ZMYND8: variants seen among roughly 807,000 people sequenced by gnomAD.
ZMYND8 encodes the protein zinc finger MYND-type containing 8.
A neutral mutation model predicts 140.8 loss-of-function variants in ZMYND8; 37 were observed. The observed-to-expected ratio is 0.26, with a 90% CI of 0.20 to 0.35. The LOEUF (loss-of-function observed/expected upper bound fraction) is 0.35. Ranked by LOEUF, ZMYND8 falls within the 10% of genes least tolerant of loss-of-function variation. The probability of loss-of-function intolerance (pLI) is 1.00; values close to 1 mark genes in which losing one functional copy is unlikely to be tolerated. For synonymous variants in ZMYND8, 592 were observed against 597.1 expected, an observed-to-expected ratio of 0.99 and a Z score of 0.12; for missense variants, 1,068 against 1,570.0, an observed-to-expected ratio of 0.68 and a Z score of 5.40.
chr20:47,263,168 G>A (rs1016791609), intron 11 of ZMYND8, among the ~76,000 whole-genome samples: 1 of 152,154 alleles, frequency 6.6e-6, no homozygotes, highest in Non-Finnish European at 1.5e-5. Flanking sequence ...GCCAACAAGC[G>A]TCCTAAAGAT....
chr20:47,214,447 G>C (rs1600847994), intron 21 of ZMYND8, among the ~76,000 whole-genome samples: 1 of 152,170 alleles, frequency 6.6e-6, no homozygotes, highest in Admixed American at 6.5e-5. Flanking sequence ...CGCTCTCACT[G>C]TGCTGATGTG....
chr20:47,314,541 C>T (rs1438812851), intron 2 of ZMYND8, among the ~76,000 whole-genome samples: 1 of 152,168 alleles, frequency 6.6e-6, no homozygotes, highest in Non-Finnish European at 1.5e-5. Flanking sequence ...TATCAGGCCC[C>T]ACCCCAGATC....
At chr20:47,334,468 G>A (rs1046032740) in intron 2 of ZMYND8, among the ~76,000 whole-genome samples, 6 of 152,014 alleles carry the variant, frequency 3.9e-5, no homozygotes, top group African/African-American at 1.2e-4. Context: ...GGCACAGAAA[G>A]TAGACTGGTA....
chr20:47,300,244 T>A (rs2077924689), intron 3 of ZMYND8, among the ~76,000 whole-genome samples: 3 of 152,216 alleles, frequency 2.0e-5, no homozygotes, highest in African/African-American at 7.2e-5. Flanking sequence ...ACCTGGTAAC[T>A]AGCTATGTGA....
intron 11 of ZMYND8, among the ~76,000 whole-genome samples, chr20:47,272,550 C>CTATT (rs2076022345): frequency 6.6e-6 from 1 of 152,082 alleles, no homozygotes; most frequent in Admixed American, 6.6e-5. Flanking sequence ...GCCAGGAGGT[C>CTATT]TATATAAAGG....
intron 3 of ZMYND8, among the ~76,000 whole-genome samples, chr20:47,301,889 T>C (rs892206928): frequency 3.9e-5 from 6 of 152,330 alleles, no homozygotes; most frequent in Admixed American, 1.3e-4. Flanking sequence ...AATTGAATCA[T>C]GGAAGTAGTT....
At chr20:47,309,835 C>A (rs2078785327) in intron 3 of ZMYND8, among the ~76,000 whole-genome samples, 1 of 152,056 alleles carries the variant, frequency 6.6e-6, no homozygotes, top group Admixed American at 6.6e-5. Flanking sequence ...CTCATCTCAT[C>A]TGGGTCCCTG....
intron 3 of ZMYND8, among the ~76,000 whole-genome samples, chr20:47,308,873 G>A (rs561083469): frequency 5.3e-5 from 8 of 152,240 alleles, no homozygotes; most frequent in South Asian, 2.1e-4. Flanking sequence ...CAACAATCTC[G>A]TTTAATTCAA....
At chr20:47,221,635 G>A (rs570498337) in intron 19 of ZMYND8, among the ~76,000 whole-genome samples, 161 bp from the exon 20 acceptor site, 95 of 152,336 alleles carry the variant, frequency 6.2e-4, no homozygotes, top group Non-Finnish European at 1.2e-3. Flanking sequence ...GAGTTTTCCA[G>A]AAGCTGGAAT....
intron 11 of ZMYND8, among the ~76,000 whole-genome samples, chr20:47,273,520 T>C (rs913379432): frequency 3.9e-5 from 6 of 152,216 alleles, no homozygotes; most frequent in African/African-American, 1.4e-4. Context: ...CGCTCTAGCC[T>C]GGGCAACAGA....
At chr20:47,356,360 A>C (rs1464662376) in intron 1 of ZMYND8, 6 of 1,493,812 alleles carry the variant, frequency 4.0e-6, no homozygotes, top group Non-Finnish European at 5.3e-6. Context: ...GGAAAAAAAA[A>C]AGCTTCTTTT....
chr20:47,332,121 A>AC (rs1208836314), intron 2 of ZMYND8, among the ~76,000 whole-genome samples: 3 of 151,838 alleles, frequency 2.0e-5, no homozygotes, highest in African/African-American at 4.8e-5. Flanking sequence ...GACCAGCCTG[A>AC]CCAACATGGT....
Position 47,318,643 on chromosome 20 carries a change from A to G in ZMYND8, c.86-8439T>C, listed in dbSNP as rs186408745. On this transcript the variant is annotated intron_variant, in intron 2 of 22. Coordinates refer to ENST00000471951, the MANE Select transcript of ZMYND8 (RefSeq NM_001281775.3). ...CAAATGATTATTTCCTCCAACGCTG[A>G]CCGTCTCTTAGACCCACAGAAACTC... is the stretch of plus-strand genomic sequence containing the variant. The G allele has an allele frequency of 2.1e-3, 924 of 432,160 alleles. 7 individuals carry two copies. The highest frequency in any genetic ancestry group is 2.6e-3 in the Non-Finnish European group (560 of 216,952). 26.8% of individuals were successfully genotyped at this position (432,160 alleles called of 1,614,324 possible).
At position 47,319,761 on chromosome 20, in the gene ZMYND8, C is replaced by T. The variant is rs2079755257; in HGVS notation, c.86-9557G>A. On this transcript the variant is annotated intron_variant, in intron 2 of 22. Coordinates refer to ENST00000471951, the MANE Select transcript of ZMYND8 (RefSeq NM_001281775.3). ...ATGAGGCCCTCTGGAAAAACGACAA[C>T]ATCGCAACAGGAATTTCCTGGATCA... is the stretch of plus-strand genomic sequence containing the variant. 2.0e-5 allele frequency: 3 copies of T among 152,370 alleles called. No individual in the cohort carries two copies. The South Asian group carries it at 6.2e-4, about 32-fold the overall frequency. The allele number at this position is 152,370 out of a possible 1,614,324, so 9.4% of individuals were successfully genotyped here.
At position 47,245,498 on chromosome 20, in the gene ZMYND8, G is replaced by A. The variant is rs145148593; in HGVS notation, c.2284+510C>T. On this transcript the variant is annotated intron_variant, in intron 14 of 22. Transcript: ENST00000471951. ...TGACCTCAAATGATCCACCCGCCTC[G>A]GCCTCCCCAAGTGCTGGGATTACAG... 7.7e-3 allele frequency among the ~76,000 whole-genome samples: 1,172 copies of A among 152,206 alleles called. 4 individuals are homozygous for A. The highest frequency in any genetic ancestry group is 0.044 in the Middle Eastern group (13 of 294).
rs1470586128 is a variant in ZMYND8, at chr20:47,246,185, G to A, written c.2107C>T (p.Pro703Ser). The A allele has an allele frequency of 2.5e-6, 4 of 1,614,140 alleles. No homozygotes were observed. Among genetic ancestry groups the A allele is most frequent in the Non-Finnish European group, 3.4e-6 (4 of 1,180,046 alleles). The change falls in exon 14 of 23, where the codon CCT becomes TCT. Residue 703 changes from proline to serine, a missense_variant. Physicochemically the swap from Pro to Ser is moderately conservative, Grantham distance 74. Coordinates refer to ENST00000471951, the MANE Select transcript of ZMYND8 (RefSeq NM_001281775.3). Reference protein sequence around the residue: ...KDFSEKAKPSPHPIKDKLKGK... With the variant: ...KDFSEKAKPSSHPIKDKLKGK... ...TTCAGTTTATCCTTTATGGGGTGAG[G>A]TGAAGGTTTTGCCTTTTCGGAAAAG...
At chr20:47,261,059 T>C (rs980322223) in intron 12 of ZMYND8, among the ~76,000 whole-genome samples, 8 of 151,910 alleles carry the variant, frequency 5.3e-5, no homozygotes, top group Non-Finnish European at 4.4e-5. Context: ...TCATCTCTAC[T>C]AAAAATACAA....
rs959829318 is a variant in ZMYND8, at chr20:47,210,797, G to A, written c.3669C>T (p.Leu1223=). ...AGGTGTCCAGCCGAGACTCTTTCGG[G>A]AGGAGGCTCTTCGTGCTGGTACTGG... is the stretch of plus-strand genomic sequence containing the variant. ...HNTSTSTKSL[L]PKESRLDTFW... Residue 1223 remains leucine, a synonymous_variant, in exon 23 of 23, where the codon CTC becomes CTT. Coordinates refer to ENST00000471951, the MANE Select transcript of ZMYND8 (RefSeq NM_001281775.3). The A allele has an allele frequency of 1.9e-6, 3 of 1,613,992 alleles. No individual in the cohort carries two copies. Among genetic ancestry groups the A allele is most frequent in the Non-Finnish European group, 2.5e-6 (3 of 1,180,038 alleles).
chr20:47,212,384 C>T (rs994579927), intron 22 of ZMYND8, among the ~76,000 whole-genome samples: 17 of 152,224 alleles, frequency 1.1e-4, no homozygotes, highest in Admixed American at 9.8e-4. Context: ...CGGTGTTCAT[C>T]TAGGACCCTT....
Sources: gnomAD v4.1 joint callset for allele counts (sites outside exome capture counted in the v4.1 genomes callset) on GRCh38, gnomAD v4.1.1 for gene constraint, MANE v1.5 for transcripts, NCBI Gene and HGNC (gene_info 2026-07-23, HGNC 2026-07-21) for gene names.